Variants in FAM193A observed in about 807,000 individuals in gnomAD.
FAM193A encodes protein FAM193A.
FAM193A carries 22 observed loss-of-function variants against 126.5 expected under a neutral mutation model. The observed-to-expected ratio is 0.17, with a 90% CI of 0.12 to 0.25. The LOEUF is 0.25. FAM193A is among the 10% of genes least tolerant of loss of function. FAM193A has a pLI of 1.00. For synonymous variants in FAM193A, 761 were observed against 646.8 expected, an observed-to-expected ratio of 1.18 and a Z score of -2.68; for missense variants, 1,675 against 1,672.8, an observed-to-expected ratio of 1.00 and a Z score of -0.02.
At chr4:2,681,134 T>C (rs1287224226) in intron 13 of FAM193A, among the ~76,000 whole-genome samples, 1 of 151,902 alleles carries the variant, frequency 6.6e-6, no homozygotes. Flanking sequence ...TGATTACAGG[T>C]GTGCGCCACC....
At chr4:2,662,435 A>G (rs1404774884) in intron 10 of FAM193A, among the ~76,000 whole-genome samples, 14 of 152,234 alleles carry the variant, frequency 9.2e-5, no homozygotes, top group Admixed American at 9.2e-4. Flanking sequence ...AGCAAACACT[A>G]AACACCTAAG....
intron 1 of FAM193A, among the ~76,000 whole-genome samples, chr4:2,588,868 T>G (rs1399520733): frequency 6.6e-6 from 1 of 152,224 alleles, no homozygotes; most frequent in Non-Finnish European, 1.5e-5. Context: ...ACTTTTTATT[T>G]GACCTTAGTA....
chr4:2,600,145 A>C (rs1323506138), intron 2 of FAM193A, among the ~76,000 whole-genome samples: 4 of 152,156 alleles, frequency 2.6e-5, no homozygotes, highest in African/African-American at 4.8e-5. Flanking sequence ...TGATCTACCT[A>C]CCTTGGCCTC....
rs552146811 is a variant in FAM193A at position 2,702,008 on chromosome 4, T to G, written c.4372+1464T>G. 2.0e-5 allele frequency among the ~76,000 whole-genome samples: 3 copies of G among 152,214 alleles called. No individual in the cohort carries two copies. In the East Asian group the frequency reaches 5.8e-4, roughly 29 times the overall value. ...GCTGGTCTCAAACTCCCGACCTCAGTTGATCCGCCTGCCTCAGCCTCCCAA... is the reference window on the plus strand; with the variant it reads ...GCTGGTCTCAAACTCCCGACCTCAGGTGATCCGCCTGCCTCAGCCTCCCAA... On this transcript the variant is annotated intron_variant, in intron 19 of 20. Transcript: ENST00000637812.
At chr4:2,683,722 G>A (rs538044648) in intron 13 of FAM193A, among the ~76,000 whole-genome samples, 2 of 152,188 alleles carry the variant, frequency 1.3e-5, no homozygotes, top group Non-Finnish European at 2.9e-5. Flanking sequence ...TTAATTTGGA[G>A]ACTTTTTAGC....
At chr4:2,585,144 C>T (rs1740165615) in intron 1 of FAM193A, among the ~76,000 whole-genome samples, 1 of 152,136 alleles carries the variant, frequency 6.6e-6, no homozygotes, top group African/African-American at 2.4e-5. Context: ...TTCATTCATT[C>T]TACAGTTTAT....
chr4:2,688,640 G>A (rs937346746), intron 13 of FAM193A, among the ~76,000 whole-genome samples: 3 of 152,228 alleles, frequency 2.0e-5, no homozygotes, highest in Admixed American at 2.0e-4. Flanking sequence ...CCTGAGCAGG[G>A]GAGTGACATG....
intron 19 of FAM193A, 42 bp downstream of exon 19, chr4:2,700,586 G>C: frequency 6.4e-7 from 1 of 1,574,564 alleles, no homozygotes. Context: ...AGCGATGCCT[G>C]GTTTTCCATG....
intron 20 of FAM193A, among the ~76,000 whole-genome samples, chr4:2,724,180 C>G (rs1480698250): frequency 6.6e-6 from 1 of 152,200 alleles, no homozygotes; most frequent in African/African-American, 2.4e-5. Context: ...ACAGATCCAT[C>G]TAATTTCAAT....
chr4:2,684,493 C>T (rs1254748384), intron 13 of FAM193A, among the ~76,000 whole-genome samples: 1 of 151,830 alleles, frequency 6.6e-6, no homozygotes, highest in African/African-American at 2.4e-5. Context: ...CTTGAGCATC[C>T]AGATTCGTTT....
chr4:2,594,341 G>A (rs1468600017), intron 1 of FAM193A, among the ~76,000 whole-genome samples: 2 of 152,198 alleles, frequency 1.3e-5, no homozygotes, highest in Non-Finnish European at 2.9e-5. Context: ...TTGAATACCG[G>A]TGGTGGGATG....
intron 12 of FAM193A, among the ~76,000 whole-genome samples, chr4:2,668,236 CAG>C (rs1560543897): frequency 7.1e-6 from 1 of 141,004 alleles, no homozygotes; most frequent in African/African-American, 2.7e-5. Flanking sequence ...TTTTTTGATA[CAG>C]AGTCTCGCTC....
chr4:2,697,832 A>G (rs1717209630), intron 18 of FAM193A, among the ~76,000 whole-genome samples: 1 of 152,222 alleles, frequency 6.6e-6, no homozygotes, highest in Admixed American at 6.5e-5. Context: ...TCCTCCATTC[A>G]GGAGCGTCCA....
rs80108140 is a variant in FAM193A, at chr4:2,628,489, T to C, written c.803+1912T>C. On this transcript the variant is annotated intron_variant, in intron 4 of 20. Transcript: ENST00000637812. ...TGTCTCTACACAAAATAAAAAAAAT[T>C]AGCCAGGTGTGATGAAGCACACTTG... 4.3e-3 allele frequency among the ~76,000 whole-genome samples: 647 copies of C among 152,116 alleles called. 1 individual carries two copies. Among genetic ancestry groups the C allele is most frequent in the African/African-American group, 0.015 (623 of 41,486 alleles).
At chr4:2,543,187 A>G (rs2108805114) in intron 1 of FAM193A, among the ~76,000 whole-genome samples, 1 of 151,910 alleles carries the variant, frequency 6.6e-6, no homozygotes, top group East Asian at 1.9e-4. Context: ...TCCCGGGTTC[A>G]AGTGATTCTC....
At chr4:2,613,915 C>T (rs1742035092) in intron 2 of FAM193A, among the ~76,000 whole-genome samples, 1 of 152,034 alleles carries the variant, frequency 6.6e-6, no homozygotes, top group East Asian at 1.9e-4. Flanking sequence ...GCTGGGATTA[C>T]AGGTGCGTAC....
At chr4:2,725,357 G>A (rs1720612180) in intron 20 of FAM193A, among the ~76,000 whole-genome samples, 1 of 151,058 alleles carries the variant, frequency 6.6e-6, no homozygotes, top group African/African-American at 2.4e-5. Flanking sequence ...CTCAGGTTGG[G>A]GAGGGTCGCT....
intron 6 of FAM193A, among the ~76,000 whole-genome samples, chr4:2,642,851 G>A (rs1744776162): frequency 6.6e-6 from 1 of 151,360 alleles, no homozygotes. Flanking sequence ...TCCTGCCTCA[G>A]CCTCCCGAGT....
intron 5 of FAM193A, 45 bp downstream of exon 5, chr4:2,631,214 G>A (rs771221166): frequency 6.5e-7 from 1 of 1,548,884 alleles, no homozygotes; most frequent in Non-Finnish European, 8.8e-7. Flanking sequence ...ATGAGCTGAA[G>A]AGAAGCATGT....
Sources: allele counts gnomAD v4.1 joint callset (sites outside exome capture counted in the v4.1 genomes callset), GRCh38; gene constraint gnomAD v4.1.1; transcripts MANE v1.5; gene names NCBI Gene and HGNC (gene_info 2026-07-23, HGNC 2026-07-21).